PIAS2: variants seen among roughly 807,000 people sequenced by gnomAD.
PIAS2 encodes E3 SUMO-protein ligase PIAS2.
Under a neutral mutation model 69.7 loss-of-function variants are expected in PIAS2, and 19 were observed. That is an observed-to-expected ratio of 0.27 (90% CI 0.19 to 0.40). The LOEUF (loss-of-function observed/expected upper bound fraction) is 0.40, where lower values mean the gene tolerates loss of function less well. Among genes scored for constraint, PIAS2 ranks in the 10% least tolerant of loss-of-function variants. PIAS2 has a pLI of 1.00. For synonymous variants in PIAS2, 261 were observed against 263.2 expected (o/e 0.99, Z 0.08); for missense variants, 624 against 757.0 (o/e 0.82, Z 2.06).
At chr18:46,915,445 ACC>A (rs2057711594) in intron 1 of PIAS2, 2 of 151,888 alleles carry the variant, frequency 1.3e-5, no homozygotes, top group African/African-American at 4.8e-5. Context: ...CCCAGCCTGC[ACC>A]CCTCACTCCT....
intron 5 of PIAS2, among the ~76,000 whole-genome samples, chr18:46,852,453 G>C (rs1045567237): frequency 1.3e-5 from 2 of 152,182 alleles, no homozygotes; most frequent in Non-Finnish European, 2.9e-5. Flanking sequence ...CCATGGAGCT[G>C]CTGCAGGCCC....
At chr18:46,818,493 T>A in intron 12 of PIAS2, 1 of 1,494,844 alleles carries the variant, frequency 6.7e-7, no homozygotes, top group South Asian at 1.4e-5. Context: ...AAAGGAATGT[T>A]AAGAAATGTA....
At chr18:46,882,202 T>C (rs551222604) in intron 2 of PIAS2, among the ~76,000 whole-genome samples, 3 of 152,286 alleles carry the variant, frequency 2.0e-5, no homozygotes, top group East Asian at 1.9e-4. Flanking sequence ...TAGAATATTA[T>C]ATTTTAATGG....
At chr18:46,904,279 T>A (rs1599030888) in intron 1 of PIAS2, 1 of 152,182 alleles carries the variant, frequency 6.6e-6, no homozygotes, top group Admixed American at 6.5e-5. Flanking sequence ...AACTGACAAT[T>A]ATCTTCATTA....
upstream of PIAS2, chr18:46,917,614 G>A (rs1320555476): frequency 3.1e-6 from 3 of 967,580 alleles, no homozygotes; most frequent in African/African-American, 1.8e-5. Context: ...TCCGCGCGGC[G>A]ACAGCGCCCG....
chr18:46,846,160 A>C (rs2046140426), intron 6 of PIAS2, among the ~76,000 whole-genome samples: 1 of 152,150 alleles, frequency 6.6e-6, no homozygotes, highest in South Asian at 2.1e-4. Flanking sequence ...AATTGACATA[A>C]TTTATTATAA....
At chr18:46,816,471 A>AT (rs1231792242) in intron 12 of PIAS2, 27,578 of 755,984 alleles carry the variant, frequency 0.036, 29 homozygotes, top group Non-Finnish European at 0.041. Flanking sequence ...GTTGCTACAG[A>AT]TTTTTTTTTT....
chr18:46,834,639 G>C (rs1403103691), intron 9 of PIAS2, among the ~76,000 whole-genome samples: 1 of 144,426 alleles, frequency 6.9e-6, no homozygotes, highest in Admixed American at 6.8e-5. Context: ...TTTTGAAACA[G>C]AGTCTTTCTC....
At chr18:46,892,554 C>A (rs967806931) in intron 1 of PIAS2, among the ~76,000 whole-genome samples, 4 of 152,108 alleles carry the variant, frequency 2.6e-5, no homozygotes, top group Non-Finnish European at 5.9e-5. Context: ...AAGAGGATCA[C>A]TTGAGCCCAG....
chr18:46,814,298 A>T (rs1450647717), intron 13 of PIAS2, among the ~76,000 whole-genome samples: 1 of 152,176 alleles, frequency 6.6e-6, no homozygotes, highest in East Asian at 1.9e-4. Context: ...TTAGACCACT[A>T]CTAAATATAC....
intron 1 of PIAS2, among the ~76,000 whole-genome samples, chr18:46,897,729 A>G (rs559529416): frequency 1.1e-4 from 16 of 152,334 alleles, no homozygotes; most frequent in African/African-American, 3.6e-4. Context: ...TGTTAACATG[A>G]TAACTGGTAT....
At chr18:46,893,528 T>C (rs1283236760) in intron 1 of PIAS2, 2 of 803,896 alleles carry the variant, frequency 2.5e-6, no homozygotes, top group African/African-American at 3.7e-5. Flanking sequence ...ACTGGCTCTA[T>C]GGGCTGTTGT....
intron 2 of PIAS2, among the ~76,000 whole-genome samples, chr18:46,873,844 T>A (rs577962991): frequency 6.6e-6 from 1 of 152,262 alleles, no homozygotes; most frequent in East Asian, 1.9e-4. Context: ...AGCTGCCGTT[T>A]CCTCTGAAAC....
At chr18:46,860,662 T>A (rs909807715) in intron 3 of PIAS2, among the ~76,000 whole-genome samples, 1 of 152,146 alleles carries the variant, frequency 6.6e-6, no homozygotes, top group African/African-American at 2.4e-5. Flanking sequence ...GAGTCCACAC[T>A]GTTATAAACG....
At chr18:46,902,242 GAA>G (rs34702120) in intron 1 of PIAS2, among the ~76,000 whole-genome samples, 22 of 126,376 alleles carry the variant, frequency 1.7e-4, no homozygotes, top group East Asian at 2.3e-4. Flanking sequence ...ACAAAACACT[GAA>G]AAAAAAAAAA....
intron 2 of PIAS2, among the ~76,000 whole-genome samples, chr18:46,878,733 T>C (rs1304068581): frequency 6.6e-6 from 1 of 152,166 alleles, no homozygotes. Context: ...CCAGATATGG[T>C]GGCCCATGCC....
In PIAS2 at chr18:46,811,712, A is replaced by G. The variant is rs1236835684; in HGVS notation, c.*721T>C. 6.6e-6 allele frequency: 1 copy of G among 152,264 alleles called. No individual in the cohort carries two copies. The highest frequency in any genetic ancestry group is 1.5e-5 in the Non-Finnish European group (1 of 68,046). 9.4% of individuals were successfully genotyped at this position (152,264 alleles called of 1,614,324 possible). A position where few individuals can be genotyped will look rare whatever the true frequency, so the allele number is the denominator to read the frequency against. On this transcript the variant is annotated 3_prime_UTR_variant, in exon 14 of 14. Coordinates refer to ENST00000585916, the MANE Select transcript of PIAS2 (RefSeq NM_004671.5). ...CACTTTATGTCAGGGCAGAATCTGCATAGTGCTTTTAAACATAATCACCAA... is the reference window on the plus strand; with the variant it reads ...CACTTTATGTCAGGGCAGAATCTGCGTAGTGCTTTTAAACATAATCACCAA...
chr18:46,856,965 C>T (rs1264152930), intron 3 of PIAS2, among the ~76,000 whole-genome samples: 6 of 152,218 alleles, frequency 3.9e-5, no homozygotes, highest in Non-Finnish European at 7.3e-5. Flanking sequence ...CCATTCTGTG[C>T]CTCAGTTTCT....
intron 5 of PIAS2, among the ~76,000 whole-genome samples, chr18:46,848,320 CTTCT>C (rs2046447716): frequency 2.0e-5 from 3 of 152,174 alleles, no homozygotes; most frequent in Admixed American, 6.5e-5. Flanking sequence ...AGGATTCATG[CTTCT>C]TTCTCAAAAT....
Sources: gnomAD v4.1 joint callset for allele counts (sites outside exome capture counted in the v4.1 genomes callset) on GRCh38, gnomAD v4.1.1 for gene constraint, MANE v1.5 for transcripts, NCBI Gene and HGNC (gene_info 2026-07-23, HGNC 2026-07-21) for gene names.